PCDHA6: variants seen among roughly 807,000 people sequenced by gnomAD.
PCDHA6 encodes the protein protocadherin alpha-6.
PCDHA6 carries 55 observed loss-of-function variants against 60.3 expected under a neutral mutation model. The ratio of observed to expected loss-of-function variants is 0.91; its 90% CI spans 0.73 to 1.14. The LOEUF (loss-of-function observed/expected upper bound fraction) is 1.14, where lower values mean the gene tolerates loss of function less well. Among genes scored for constraint, PCDHA6 ranks in the 50% most tolerant of loss-of-function variants. The probability of loss-of-function intolerance (pLI) is 0.00; values close to 1 mark genes in which losing one functional copy is unlikely to be tolerated. For synonymous variants in PCDHA6, 652 were observed against 557.9 expected (o/e 1.17, Z -2.38); for missense variants, 1,327 against 1,256.5 (o/e 1.06, Z -0.85).
At chr5:140,928,624 C>T (rs782032190) in intron 1 of PCDHA6, 1 of 1,614,242 alleles carries the variant, frequency 6.2e-7, no homozygotes, top group Non-Finnish European at 8.5e-7. Context: ...CAGGACTGGA[C>T]ACTTGGTCAC....
At chr5:140,988,471 G>A (rs1442408975) in intron 3 of PCDHA6, among the ~76,000 whole-genome samples, 1 of 152,078 alleles carries the variant, frequency 6.6e-6, no homozygotes, top group Non-Finnish European at 1.5e-5. Context: ...TGTGGGAAGG[G>A]GAATTAGCAT....
rs371269236 is a variant in PCDHA6, at chr5:141,009,740, G to A, written c.2656G>A (p.Asp886Asn). Residue 886 changes from aspartate to asparagine, a missense_variant, in exon 4 of 4, where the codon GAC becomes AAC. Asp to Asn is a conservative substitution (Grantham distance 23, BLOSUM62 1). Coordinates refer to ENST00000529310, the MANE Select transcript of PCDHA6 (RefSeq NM_018909.4). ...PKQSGPGELP[D>N]KFIIPGSPAI... ...ACAATCCGGTCCCGGTGAGTTGCCC[G>A]ACAAATTCATTATCCCAGGATCTCC... The A allele has an allele frequency of 1.8e-4, 293 of 1,613,962 alleles. No individual in the cohort carries two copies. Among genetic ancestry groups the A allele is most frequent in the East Asian group, 1.6e-3 (74 of 44,884 alleles).
In PCDHA6 at chr5:140,829,087, TC is replaced by T; in HGVS notation, c.997del (p.His333IlefsTer5). On this transcript the variant is annotated frameshift_variant, in exon 1 of 4. Coordinates refer to ENST00000529310, the MANE Select transcript of PCDHA6 (RefSeq NM_018909.4). LOFTEE classifies it high-confidence loss of function. ...TDKGHPPMAG[H>X]CTVLVRILDK... Reference sequence around the variant, plus strand: ...ACAAAGGCCATCCTCCCATGGCGGGTCATTGCACCGTTTTAGTGAGAATTTT... The same window carrying T: ...ACAAAGGCCATCCTCCCATGGCGGGTATTGCACCGTTTTAGTGAGAATTTT... The T allele has an allele frequency of 1.2e-6, 2 of 1,611,204 alleles. No homozygotes were observed. The highest frequency in any genetic ancestry group is 2.2e-5 in the South Asian group (2 of 91,026).
intron 1 of PCDHA6, chr5:140,928,603 C>A: frequency 1.2e-6 from 2 of 1,614,208 alleles, no homozygotes; most frequent in South Asian, 2.2e-5. Flanking sequence ...GGAAATTGTG[C>A]CCCGCTCTGC....
At chr5:140,926,860 C>T in intron 1 of PCDHA6, 1 of 1,521,078 alleles carries the variant, frequency 6.6e-7, no homozygotes, top group Non-Finnish European at 8.8e-7. Flanking sequence ...GTTGGTGTAG[C>T]GTGTTGGTGG....
intron 2 of PCDHA6, among the ~76,000 whole-genome samples, chr5:140,981,654 A>ATTTCTTCCTTCC (rs563193906): frequency 2.0e-5 from 3 of 152,026 alleles, no homozygotes; most frequent in Non-Finnish European, 2.9e-5. Context: ...GATCCCACTT[A>ATTTCTTCCTTCC]TTTCTTCCTT....
rs2098415057 is a variant in PCDHA6, at chr5:141,009,865, A to G, written c.2781A>G (p.Lys927=). ...AGGAGGAGACCAAGAAAAAGAAGAAAAAGAAGAAGGGTAACAAGACCCAGG... is the reference window on the plus strand; with the variant it reads ...AGGAGGAGACCAAGAAAAAGAAGAAGAAGAAGAAGGGTAACAAGACCCAGG... ...GKKEETKKKK[K]KKKGNKTQEK... The change falls in exon 4 of 4, where the codon AAA becomes AAG. Residue 927 remains lysine, a synonymous_variant. Transcript: ENST00000529310. The G allele has an allele frequency of 6.2e-7, 1 of 1,614,076 alleles. No homozygotes were observed.
chr5:140,927,755 C>G (rs1388061408), intron 1 of PCDHA6: 6 of 1,614,196 alleles, frequency 3.7e-6, no homozygotes, highest in Non-Finnish European at 5.1e-6. Flanking sequence ...CACGTGCACC[C>G]TAAAAGTGGG....
intron 1 of PCDHA6, chr5:140,871,242 G>T: frequency 6.2e-7 from 1 of 1,613,980 alleles, no homozygotes; most frequent in South Asian, 1.1e-5. Flanking sequence ...TGGTACTCAC[G>T]CTGCTGCTGT....
chr5:140,961,343 T>C (rs2095605708), intron 1 of PCDHA6, among the ~76,000 whole-genome samples: 1 of 152,210 alleles, frequency 6.6e-6, no homozygotes, highest in South Asian at 2.1e-4. Flanking sequence ...CAAGAGTGGA[T>C]CCCTGTAGTC....
intron 1 of PCDHA6, chr5:140,869,696 A>T: frequency 6.2e-7 from 1 of 1,613,472 alleles, no homozygotes; most frequent in Non-Finnish European, 8.5e-7. Context: ...ATTTTAAAGA[A>T]GTCTCTGGAT....
intron 1 of PCDHA6, among the ~76,000 whole-genome samples, chr5:140,898,007 A>G (rs1477147548): frequency 2.3e-4 from 35 of 152,100 alleles, no homozygotes; most frequent in African/African-American, 8.5e-4. Context: ...GTGTCTGTTC[A>G]TATCCTTTGC....
chr5:140,967,272 TAG>T, intron 1 of PCDHA6: 1 of 1,613,412 alleles, frequency 6.2e-7, no homozygotes, highest in Non-Finnish European at 8.5e-7. Flanking sequence ...CGCTTTCACA[TAG>T]AGAGTGCGCA....
rs1021823272 is a variant in PCDHA6, at chr5:140,866,632, C to T, written c.2394+36147C>T. ...GGAGAACCTCCTGGGGTTCTGACAA[C>T]GGTGTCAAAATTTATTTATGTGTTT... On this transcript the variant is annotated intron_variant, in intron 1 of 3. Coordinates refer to ENST00000529310, the MANE Select transcript of PCDHA6 (RefSeq NM_018909.4). 22 of 152,178 alleles carry T rather than the reference C, an allele frequency of 1.4e-4. No homozygotes were observed. In the South Asian group the frequency reaches 2.9e-3, roughly 20 times the overall value. The allele number at this position is 152,178 out of a possible 1,614,324, so 9.4% of individuals were successfully genotyped here.
At chr5:140,857,683 C>T (rs1554150520) in intron 1 of PCDHA6, 1 of 1,597,084 alleles carries the variant, frequency 6.3e-7, no homozygotes, top group Middle Eastern at 1.8e-4. Context: ...CGCCTCTGGG[C>T]AGCAACTTGA....
chr5:140,995,764 G>C (rs2097697128), intron 3 of PCDHA6, among the ~76,000 whole-genome samples: 1 of 152,134 alleles, frequency 6.6e-6, no homozygotes, highest in Non-Finnish European at 1.5e-5. Flanking sequence ...AGAAAATGTG[G>C]AGAGTGAAGG....
intron 1 of PCDHA6, chr5:140,850,637 G>A: frequency 6.3e-7 from 1 of 1,598,640 alleles, no homozygotes; most frequent in Non-Finnish European, 8.6e-7. Flanking sequence ...TGGTTCTCAC[G>A]CTGCTGCTGT....
In PCDHA6 at chr5:140,981,654, ATTTCTTCCTTCC is replaced by A. The variant is rs563193906; in HGVS notation, c.2454-807_2454-796del. Among the ~76,000 whole-genome samples the A allele has an allele frequency of 1.4e-4, 22 of 152,142 alleles. No individual in the cohort carries two copies. In the East Asian group the frequency reaches 3.9e-3, roughly 27 times the overall value. On this transcript the variant is annotated intron_variant, in intron 2 of 3. Coordinates refer to ENST00000529310, the MANE Select transcript of PCDHA6 (RefSeq NM_018909.4). ...GACATTTTCTCTTAGGATCCCACTTATTTCTTCCTTCCTTTCTTCCTTCCTCCCTTCCATCAT... is the reference window on the plus strand; with the variant it reads ...GACATTTTCTCTTAGGATCCCACTTATTTCTTCCTTCCTCCCTTCCATCAT...
At chr5:140,952,160 G>A (rs952147312) in intron 1 of PCDHA6, among the ~76,000 whole-genome samples, 1 of 152,044 alleles carries the variant, frequency 6.6e-6, no homozygotes, top group Non-Finnish European at 1.5e-5. Context: ...GGCTTTGTGG[G>A]GTTCAGTTCC....
Sources: allele counts gnomAD v4.1 joint callset (sites outside exome capture counted in the v4.1 genomes callset), GRCh38; gene constraint gnomAD v4.1.1; transcripts MANE v1.5; gene names NCBI Gene and HGNC (gene_info 2026-07-23, HGNC 2026-07-21).